NHEJ1: variants seen among roughly 807,000 people sequenced by gnomAD.
The protein encoded by NHEJ1 is non-homologous end-joining factor 1.
In NHEJ1, 22 loss-of-function variants were observed where a neutral mutation model predicts 39.4. The ratio of observed to expected loss-of-function variants is 0.56; its 90% CI spans 0.40 to 0.80. The LOEUF (loss-of-function observed/expected upper bound fraction) is 0.80, where lower values mean the gene tolerates loss of function less well. Among genes scored for constraint, NHEJ1 ranks in the 30% least tolerant of loss-of-function variants. NHEJ1 has a pLI of 0.00. For missense variants in NHEJ1, 329 were observed against 357.1 expected, an observed-to-expected ratio of 0.92 and a Z score of 0.63; for synonymous variants, 154 against 135.6, an observed-to-expected ratio of 1.14 and a Z score of -0.94.
chr2:219,145,945 A>AT (rs1355707042), intron 5 of NHEJ1, among the ~76,000 whole-genome samples: 1 of 151,692 alleles, frequency 6.6e-6, no homozygotes, highest in Non-Finnish European at 1.5e-5. Flanking sequence ...AAAAAAATAA[A>AT]AAAAAAAAAA....
chr2:219,159,588 C>T (rs1166574344), intron 1 of NHEJ1, among the ~76,000 whole-genome samples: 2 of 69,538 alleles, frequency 2.9e-5, no homozygotes, highest in African/African-American at 8.8e-5. Flanking sequence ...TATATATATG[C>T]ATATATATAT....
chr2:219,118,965 A>G (rs1574723345), intron 5 of NHEJ1, among the ~76,000 whole-genome samples: 1 of 152,100 alleles, frequency 6.6e-6, no homozygotes, highest in Non-Finnish European at 1.5e-5. Context: ...TCCTGGGGGG[A>G]CTTGAACCAT....
At chr2:219,113,678 G>A (rs953610945) in intron 5 of NHEJ1, among the ~76,000 whole-genome samples, 3 of 151,968 alleles carry the variant, frequency 2.0e-5, no homozygotes, top group Admixed American at 6.6e-5. Context: ...ATAAGTCTTC[G>A]TGTCACCTTC....
chr2:219,150,304 T>C (rs1949782872), intron 3 of NHEJ1, among the ~76,000 whole-genome samples: 1 of 152,162 alleles, frequency 6.6e-6, no homozygotes, highest in African/African-American at 2.4e-5. Context: ...ATGGAAGGGT[T>C]CTGGCACAGA....
rs370359142 is a variant in NHEJ1, at chr2:219,146,288, G to A, written c.588+392C>T. ...AAGCTTTTTACCTTCCTCTCCTGCA[G>A]GATCCTGAAAGGGCCTAGACAAGTA... On this transcript the variant is annotated intron_variant, in intron 5 of 7. Coordinates refer to ENST00000356853, the MANE Select transcript of NHEJ1 (RefSeq NM_024782.3). 6.6e-5 allele frequency among the ~76,000 whole-genome samples: 10 copies of A among 152,108 alleles called. No homozygotes were observed. In the East Asian group the frequency reaches 9.6e-4, roughly 15 times the overall value.
chr2:219,134,325 T>C (rs898282020), intron 5 of NHEJ1, among the ~76,000 whole-genome samples: 2 of 152,208 alleles, frequency 1.3e-5, no homozygotes, highest in African/African-American at 4.8e-5. Flanking sequence ...AGCCTCTACT[T>C]CTTTATCTTT....
chr2:219,085,967 G>T (rs956755697), intron 5 of NHEJ1, among the ~76,000 whole-genome samples: 3 of 152,148 alleles, frequency 2.0e-5, no homozygotes, highest in Non-Finnish European at 2.9e-5. Context: ...GATTTTTCTG[G>T]TTCAGTCTGA....
chr2:219,159,403 C>G (rs1468082589), intron 1 of NHEJ1: 1 of 151,178 alleles, frequency 6.6e-6, no homozygotes, highest in African/African-American at 2.4e-5. Flanking sequence ...AACAGAAGTA[C>G]CAGGAAGGAA....
intron 5 of NHEJ1, among the ~76,000 whole-genome samples, chr2:219,121,163 G>T (rs966786336): frequency 6.6e-6 from 1 of 151,228 alleles, no homozygotes; most frequent in African/African-American, 2.4e-5. Flanking sequence ...CCAAGAATGC[G>T]CCATTGCACT....
At chr2:219,076,536 G>A (rs1949015729) in intron 7 of NHEJ1, 81 bp from the exon 8 acceptor site, 1 of 1,168,268 alleles carries the variant, frequency 8.6e-7, no homozygotes, top group African/African-American at 1.5e-5. Flanking sequence ...TTCCTCTCAT[G>A]GCTCCTGGTT....
In NHEJ1 at chr2:219,070,622, C is replaced by T. The variant is rs1431723421; in HGVS notation, c.*5759G>A. On this transcript the variant is annotated 3_prime_UTR_variant, in exon 8 of 8. Coordinates refer to ENST00000356853, the MANE Select transcript of NHEJ1 (RefSeq NM_024782.3). ...AAAGTGCTGGGATTACAGGCGTAAG[C>T]CATGGAGCCCAGTCTTAAATTTCCC... 6.6e-6 allele frequency among the ~76,000 whole-genome samples: 1 copy of T among 152,250 alleles called. No homozygotes were observed. The highest frequency in any genetic ancestry group is 1.5e-5 in the Non-Finnish European group (1 of 68,036).
chr2:219,092,369 C>G (rs1375655047), intron 5 of NHEJ1, among the ~76,000 whole-genome samples: 1 of 151,886 alleles, frequency 6.6e-6, no homozygotes, highest in East Asian at 1.9e-4. Flanking sequence ...TAAAACTAAT[C>G]TGTAATATTA....
intron 5 of NHEJ1, among the ~76,000 whole-genome samples, chr2:219,112,615 C>T (rs1949375950): frequency 6.6e-6 from 1 of 152,018 alleles, no homozygotes; most frequent in Non-Finnish European, 1.5e-5. Flanking sequence ...CTGAAACAGG[C>T]CCCAAAAGTC....
chr2:219,153,170 C>T lies in NHEJ1; in HGVS notation c.390+4302G>A, dbSNP rs542878383. Among the ~76,000 whole-genome samples, 139 of 152,266 alleles carry T rather than the reference C, an allele frequency of 9.1e-4. 1 individual carries two copies. The highest frequency in any genetic ancestry group is 1.0e-3 in the Non-Finnish European group (69 of 68,026). ...TTGCCCTCACAGGTCCACTATAATG[C>T]TAAACATAAGTAATATTACATATGT... On this transcript the variant is annotated intron_variant, in intron 3 of 7. Transcript: ENST00000356853.
At chr2:219,104,771 G>T (rs1315206334) in intron 5 of NHEJ1, among the ~76,000 whole-genome samples, 1 of 152,128 alleles carries the variant, frequency 6.6e-6, no homozygotes, top group African/African-American at 2.4e-5. Flanking sequence ...TTCTCAAGAG[G>T]GAAAATGATG....
At chr2:219,138,243 G>C (rs1949655013) in intron 5 of NHEJ1, among the ~76,000 whole-genome samples, 1 of 152,122 alleles carries the variant, frequency 6.6e-6, no homozygotes, top group African/African-American at 2.4e-5. Context: ...GACTTTTGAG[G>C]TGTTAGTCTC....
intron 5 of NHEJ1, among the ~76,000 whole-genome samples, chr2:219,143,143 C>T (rs537232707): frequency 2.0e-5 from 3 of 152,162 alleles, no homozygotes; most frequent in Admixed American, 2.0e-4. Flanking sequence ...CCCTGGCCCC[C>T]CTGCGCCTTC....
At chr2:219,093,200 AC>A (rs1365124273) in intron 5 of NHEJ1, among the ~76,000 whole-genome samples, 2 of 152,080 alleles carry the variant, frequency 1.3e-5, no homozygotes, top group African/African-American at 4.8e-5. Flanking sequence ...ACTGTCGAAT[AC>A]CTTAGGGAGG....
At chr2:219,077,494 A>C (rs564984898) in intron 6 of NHEJ1, 130 bp from the exon 7 acceptor site, 1 of 764,916 alleles carries the variant, frequency 1.3e-6, no homozygotes, top group South Asian at 1.4e-5. Context: ...AGAAGTAGCC[A>C]CAAGTCCAAC....
Sources: allele counts gnomAD v4.1 joint callset (sites outside exome capture counted in the v4.1 genomes callset), GRCh38; gene constraint gnomAD v4.1.1; transcripts MANE v1.5; gene names NCBI Gene and HGNC (gene_info 2026-07-23, HGNC 2026-07-21).